The following DNAH9 variants were observed in gnomAD, a reference collection of about 807,000 sequenced individuals.
The protein encoded by DNAH9 is DNAH9 variant protein.
In DNAH9, 345 loss-of-function variants were observed where a neutral mutation model predicts 471.6. The observed-to-expected ratio is 0.73, with a 90% CI of 0.67 to 0.80. The LOEUF (loss-of-function observed/expected upper bound fraction) is 0.80, where lower values mean the gene tolerates loss of function less well. Among genes scored for constraint, DNAH9 ranks in the 30% least tolerant of loss-of-function variants. The pLI is 0.00. For missense variants in DNAH9, 5,407 were observed against 5,609.2 expected, an observed-to-expected ratio of 0.96 and a Z score of 1.15; for synonymous variants, 2,093 against 2,123.6, an observed-to-expected ratio of 0.99 and a Z score of 0.40.
intron 41 of DNAH9, among the ~76,000 whole-genome samples, chr17:11,792,468 T>C (rs1381081323): frequency 6.6e-6 from 1 of 152,212 alleles, no homozygotes; most frequent in East Asian, 1.9e-4. Context: ...TTAGAGAATT[T>C]GTTGAGGTTA....
At chr17:11,658,047 AG>A (rs1159745808) in intron 14 of DNAH9, among the ~76,000 whole-genome samples, 1 of 152,202 alleles carries the variant, frequency 6.6e-6, no homozygotes, top group East Asian at 1.9e-4. Context: ...GCCAATTTCT[AG>A]GGGGAAAAAG....
intron 32 of DNAH9, among the ~76,000 whole-genome samples, 159 bp downstream of exon 32, chr17:11,747,925 T>A (rs1293042825): frequency 4.6e-5 from 7 of 151,970 alleles, no homozygotes; most frequent in Non-Finnish European, 1.0e-4. Context: ...AGAAACCAAT[T>A]TTGGCTTGCA....
intron 32 of DNAH9, among the ~76,000 whole-genome samples, chr17:11,749,963 C>G (rs907420881): frequency 2.6e-5 from 4 of 152,048 alleles, no homozygotes; most frequent in Admixed American, 2.0e-4. Flanking sequence ...TCAAGCACTT[C>G]TTTTTTCATA....
chr17:11,740,440 G>T (rs1387326582), intron 29 of DNAH9, among the ~76,000 whole-genome samples: 2 of 152,098 alleles, frequency 1.3e-5, no homozygotes, highest in Admixed American at 1.3e-4. Flanking sequence ...GTTGCAGGCG[G>T]CCACCTTCTT....
chr17:11,723,800 T>C (rs1015674423), intron 27 of DNAH9, among the ~76,000 whole-genome samples: 3 of 152,060 alleles, frequency 2.0e-5, no homozygotes, highest in African/African-American at 7.2e-5. Context: ...CCCGAGTAGC[T>C]TGGACTACAG....
rs909501197 is a variant in DNAH9 at position 11,719,495 on chromosome 17, A to G, written c.5709+5A>G. The G allele has an allele frequency of 5.0e-6, 8 of 1,601,030 alleles. No individual in the cohort carries two copies. The highest frequency in any genetic ancestry group is 6.8e-6 in the Non-Finnish European group (8 of 1,170,898). Reference sequence around the variant, plus strand: ...TCGGAGCAGATGGATTACAAGGTACAGTTCCACCCGGCTTCCTGGGGGTGG... The same window carrying G: ...TCGGAGCAGATGGATTACAAGGTACGGTTCCACCCGGCTTCCTGGGGGTGG... On this transcript the variant is annotated splice_donor_5th_base_variant and intron_variant, in intron 27 of 68. Coordinates refer to ENST00000262442, the MANE Select transcript of DNAH9 (RefSeq NM_001372.4).
chr17:11,652,957 C>T lies in DNAH9; in HGVS notation c.2550C>T (p.Tyr850=), dbSNP rs1289657442. The T allele has an allele frequency of 6.2e-6, 10 of 1,613,814 alleles. No homozygotes were observed. Among genetic ancestry groups the T allele is most frequent in the Non-Finnish European group, 7.6e-6 (9 of 1,179,912 alleles). ...GGCATGATCGAATGGAAAAATATTA[C>T]AATCTCATCAAGGAATCTGGCCTTA... ...DDRHDRMEKY[Y]NLIKESGLKI... The change falls in exon 14 of 69, where the codon TAC becomes TAT. Residue 850 remains tyrosine (Y), a synonymous_variant. Coordinates refer to ENST00000262442, the MANE Select transcript of DNAH9 (RefSeq NM_001372.4).
chr17:11,665,671 C>T (rs1327960250), intron 15 of DNAH9, among the ~76,000 whole-genome samples: 3 of 152,078 alleles, frequency 2.0e-5, no homozygotes, highest in Non-Finnish European at 2.9e-5. Context: ...GACTAAAAGT[C>T]GAATTAAACC....
intron 36 of DNAH9, among the ~76,000 whole-genome samples, chr17:11,765,187 T>C (rs1334318251): frequency 6.6e-6 from 1 of 152,170 alleles, no homozygotes; most frequent in East Asian, 1.9e-4. Context: ...ACATGCAAGG[T>C]ACTTAGCACA....
At chr17:11,718,163 C>A (rs947477735) in intron 26 of DNAH9, among the ~76,000 whole-genome samples, 1 of 152,194 alleles carries the variant, frequency 6.6e-6, no homozygotes, top group Non-Finnish European at 1.5e-5. Context: ...AGATGTGAGC[C>A]ACTACACCCG....
Position 11,962,088 on chromosome 17 carries a change from C to T in DNAH9, c.13065C>T (p.Phe4355=), listed in dbSNP as rs1300283831. The T allele has an allele frequency of 6.2e-7, 1 of 1,614,170 alleles. No individual in the cohort carries two copies. The highest frequency in any genetic ancestry group is 8.5e-7 in the Non-Finnish European group (1 of 1,180,034). Residue 4355 remains phenylalanine (F), a synonymous_variant, in exon 68 of 69, where the codon TTC becomes TTT. Coordinates refer to ENST00000262442, the MANE Select transcript of DNAH9 (RefSeq NM_001372.4). The surrounding 1 kb of genome is among the most constrained non-coding windows in gnomAD (Gnocchi z 4.1). ...CAGGCTTCTTCAACCCCCAGTCGTT[C>T]CTGACTGCCATCATGCAGTCCACGG... is the stretch of plus-strand genomic sequence containing the variant. ...WLTGFFNPQS[F]LTAIMQSTAR... is the part of the protein sequence containing the mutation.
intron 52 of DNAH9, among the ~76,000 whole-genome samples, chr17:11,872,251 C>T (rs1972296585): frequency 6.6e-6 from 1 of 152,128 alleles, no homozygotes; most frequent in Non-Finnish European, 1.5e-5. Flanking sequence ...TCGTCGGCTT[C>T]CGTCCTGCAT....
intron 38 of DNAH9, among the ~76,000 whole-genome samples, chr17:11,778,359 AAAAG>A (rs1968537386): frequency 3.6e-4 from 49 of 137,564 alleles, no homozygotes; most frequent in African/African-American, 5.9e-4. Context: ...AAAAAAAAAA[AAAAG>A]AAAAGGGAAG....
In DNAH9 at chr17:11,743,480, C is replaced by T. The variant is rs2150837854; in HGVS notation, c.6111+1167C>T. Among the ~76,000 whole-genome samples the T allele has an allele frequency of 2.6e-5, 4 of 152,304 alleles. 1 individual carries two copies. In the Middle Eastern group the frequency reaches 0.014, roughly 518 times the overall value. The stretch of plus-strand genomic sequence containing the variant: ...AGAGTGATTATTTAAAAACGCTCCT[C>T]ACTGGTCCCAAGATAGAGACCAATG... On this transcript the variant is annotated intron_variant, in intron 30 of 68. Coordinates refer to ENST00000262442, the MANE Select transcript of DNAH9 (RefSeq NM_001372.4).
chr17:11,949,577 G>T (rs1052262974), intron 67 of DNAH9, among the ~76,000 whole-genome samples: 2 of 151,950 alleles, frequency 1.3e-5, no homozygotes, highest in Non-Finnish European at 2.9e-5. Flanking sequence ...TACTTCCCAG[G>T]TTCAAGCAAT....
At chr17:11,881,753 A>G (rs1186519101) in intron 55 of DNAH9, among the ~76,000 whole-genome samples, 1 of 152,102 alleles carries the variant, frequency 6.6e-6, no homozygotes, top group Non-Finnish European at 1.5e-5. Flanking sequence ...CTAAAAAATA[A>G]ATATTAAAAT....
At chr17:11,680,301 TAAAAG>T (rs1382465572) in intron 18 of DNAH9, among the ~76,000 whole-genome samples, 2 of 150,290 alleles carry the variant, frequency 1.3e-5, no homozygotes, top group Non-Finnish European at 1.5e-5. Flanking sequence ...ATGTGGGACA[TAAAAG>T]AAAATAACCA....
chr17:11,867,207 T>C (rs1468381072), intron 50 of DNAH9, among the ~76,000 whole-genome samples: 2 of 152,252 alleles, frequency 1.3e-5, no homozygotes, highest in African/African-American at 4.8e-5. Context: ...CATGTAAAGA[T>C]TCATTTTCTT....
At chr17:11,647,001 A>T in intron 11 of DNAH9, 71 bp from the exon 12 acceptor site, 1 of 1,530,768 alleles carries the variant, frequency 6.5e-7, no homozygotes, top group Non-Finnish European at 8.9e-7. Flanking sequence ...AATTTATGTT[A>T]CAGATCATGA....
Sources: allele counts gnomAD v4.1 joint callset (sites outside exome capture counted in the v4.1 genomes callset), GRCh38; gene constraint gnomAD v4.1.1; non-coding constraint Gnocchi (gnomAD v3.1); transcripts MANE v1.5; gene names NCBI Gene and HGNC (gene_info 2026-07-23, HGNC 2026-07-21).